Variants in CHRM3 observed in about 807,000 individuals in gnomAD.
The protein encoded by CHRM3 is cholinergic receptor muscarinic 3, also known as muscarinic acetylcholine receptor M3.
CHRM3 carries 11 observed loss-of-function variants against 41.8 expected under a neutral mutation model. The observed-to-expected ratio is 0.26, with a 90% CI of 0.17 to 0.44. The LOEUF is 0.44. CHRM3 is among the 20% of genes least tolerant of loss of function. The pLI, the probability that CHRM3 is intolerant of heterozygous loss-of-function variation, is 1.00. For synonymous variants in CHRM3, 297 were observed against 301.4 expected, an observed-to-expected ratio of 0.99 and a Z score of 0.15; for missense variants, 571 against 745.4, an observed-to-expected ratio of 0.77 and a Z score of 2.72.
At chr1:239,531,970 T>TTTAAGGTGG (rs200441827) in intron 2 of CHRM3, among the ~76,000 whole-genome samples, 1,815 of 147,770 alleles carry the variant, frequency 0.012, 35 homozygotes, top group African/African-American at 0.043. Flanking sequence ...AGAATGGATA[T>TTTAAGGTGG]TTAAGGTGGA....
chr1:239,559,639 T>C (rs887872326), intron 3 of CHRM3, among the ~76,000 whole-genome samples: 2 of 152,186 alleles, frequency 1.3e-5, no homozygotes, highest in African/African-American at 4.8e-5. Flanking sequence ...ACATTATTGT[T>C]AGTTGCGAGA....
At chr1:239,392,915 C>T (rs1461969863) in intron 1 of CHRM3, among the ~76,000 whole-genome samples, 2 of 152,208 alleles carry the variant, frequency 1.3e-5, no homozygotes, top group Non-Finnish European at 2.9e-5. Context: ...CAGGCCAATT[C>T]TTGCCCACAG....
intron 2 of CHRM3, among the ~76,000 whole-genome samples, chr1:239,495,490 T>C (rs1667821546): frequency 6.6e-6 from 1 of 152,196 alleles, no homozygotes; most frequent in African/African-American, 2.4e-5. Flanking sequence ...AGCCCTAAAA[T>C]GCTTCTGTTT....
chr1:239,706,977 C>G (rs1301694148), intron 5 of CHRM3: 2 of 152,120 alleles, frequency 1.3e-5, no homozygotes, highest in African/African-American at 4.8e-5. Context: ...ATTTTTTCAA[C>G]TTTTATAAAA....
At chr1:239,476,462 C>CG (rs1666477971) in intron 1 of CHRM3, among the ~76,000 whole-genome samples, 1 of 108,016 alleles carries the variant, frequency 9.3e-6, no homozygotes, top group Non-Finnish European at 2.0e-5. Flanking sequence ...AAGACTCCAT[C>CG]CAAAAAAAAA....
intron 5 of CHRM3, among the ~76,000 whole-genome samples, chr1:239,787,705 G>C (rs920613868): frequency 6.6e-6 from 1 of 152,090 alleles, no homozygotes; most frequent in African/African-American, 2.4e-5. Flanking sequence ...GAGAATAAGC[G>C]TGAGAATCAC....
intron 6 of CHRM3, chr1:239,886,305 A>T (rs1378644322): frequency 6.6e-6 from 1 of 152,136 alleles, no homozygotes; most frequent in Non-Finnish European, 1.5e-5. Context: ...TCCCCTTGGG[A>T]GGAGGAGGTG....
chr1:239,828,872 A>G (rs541063127), intron 6 of CHRM3, among the ~76,000 whole-genome samples: 9 of 152,256 alleles, frequency 5.9e-5, no homozygotes, highest in East Asian at 5.8e-4. Flanking sequence ...AAGATGAACA[A>G]AGGAAATCAC....
intron 3 of CHRM3, among the ~76,000 whole-genome samples, chr1:239,631,382 T>C (rs1028736492): frequency 1.3e-5 from 2 of 152,160 alleles, no homozygotes; most frequent in Non-Finnish European, 2.9e-5. Context: ...TTACAGTCTG[T>C]TCTCAGTCCT....
intron 1 of CHRM3, among the ~76,000 whole-genome samples, chr1:239,417,618 C>T (rs1322444308): frequency 1.5e-5 from 2 of 137,484 alleles, no homozygotes; most frequent in East Asian, 4.2e-4. Flanking sequence ...TAATTTTGCA[C>T]CTACATATGT....
At chr1:239,637,354 T>TAAA (rs1294321097) in intron 4 of CHRM3, among the ~76,000 whole-genome samples, 1 of 152,082 alleles carries the variant, frequency 6.6e-6, no homozygotes, top group African/African-American at 2.4e-5. Flanking sequence ...TATTTCACGT[T>TAAA]AAAAATTTTA....
rs1176638599 is a variant in CHRM3, at chr1:239,611,663, C to A, written c.-312-20561C>A. ...CTTGATCTCCTGACCTCGTGATCCG[C>A]CCGCCTTGGCCTCCCAAAGTGCTGG... On this transcript the variant is annotated intron_variant, in intron 3 of 6. Transcript: ENST00000676153. Among the ~76,000 whole-genome samples the A allele has an allele frequency of 2.6e-5, 4 of 152,198 alleles. No individual in the cohort carries two copies. In the South Asian group the frequency reaches 6.2e-4, roughly 24 times the overall value.
chr1:239,839,253 C>T (rs1444649072), intron 6 of CHRM3, among the ~76,000 whole-genome samples: 1 of 152,214 alleles, frequency 6.6e-6, no homozygotes, highest in Admixed American at 6.5e-5. Flanking sequence ...TTCAAAGCTA[C>T]TTTCACTGCC....
At chr1:239,601,163 G>T (rs1483943639) in intron 3 of CHRM3, among the ~76,000 whole-genome samples, 1 of 152,134 alleles carries the variant, frequency 6.6e-6, no homozygotes, top group East Asian at 1.9e-4. Flanking sequence ...TCTCATGCTA[G>T]AACCTTCATT....
At chr1:239,759,572 A>G (rs555864417) in intron 5 of CHRM3, among the ~76,000 whole-genome samples, 60 of 152,248 alleles carry the variant, frequency 3.9e-4, no homozygotes, top group Non-Finnish European at 7.2e-4. Context: ...TAGAAATCCA[A>G]ATTTGTTCTT....
At chr1:239,749,252 G>T (rs1451973875) in intron 5 of CHRM3, among the ~76,000 whole-genome samples, 1 of 152,136 alleles carries the variant, frequency 6.6e-6, no homozygotes, top group Non-Finnish European at 1.5e-5. Flanking sequence ...TTTCTTTGGG[G>T]AGAGGGGAGA....
chr1:239,753,132 G>A (rs754046973), intron 5 of CHRM3, among the ~76,000 whole-genome samples: 1 of 152,086 alleles, frequency 6.6e-6, no homozygotes, highest in African/African-American at 2.4e-5. Context: ...ATCTATTATA[G>A]CGAGCACAAA....
intron 1 of CHRM3, among the ~76,000 whole-genome samples, chr1:239,412,474 C>T (rs6678395): frequency 0.21 from 30,636 of 147,186 alleles, 3,234 homozygotes; most frequent in South Asian, 0.3. Flanking sequence ...CTCATCCCCC[C>T]GCCACCATTG....
chr1:239,555,652 C>A (rs1572699088), intron 3 of CHRM3, among the ~76,000 whole-genome samples: 1 of 152,280 alleles, frequency 6.6e-6, no homozygotes, highest in East Asian at 1.9e-4. Context: ...GCATTAACTG[C>A]CCCTTAATCT....
Sources: allele counts gnomAD v4.1 joint callset (sites outside exome capture counted in the v4.1 genomes callset), GRCh38; gene constraint gnomAD v4.1.1; transcripts MANE v1.5; gene names NCBI Gene and HGNC (gene_info 2026-07-23, HGNC 2026-07-21).